ABCC8: variants seen among roughly 807,000 people sequenced by gnomAD.
ABCC8 encodes the protein ATP-binding cassette sub-family C member 8.
Under a neutral mutation model 188.0 loss-of-function variants are expected in ABCC8, and 137 were observed. That is an observed-to-expected ratio of 0.73 (90% confidence interval 0.63 to 0.84). The LOEUF (loss-of-function observed/expected upper bound fraction) is 0.84. Ranked by LOEUF, ABCC8 falls within the 40% of genes least tolerant of loss-of-function variation. ABCC8 has a pLI of 0.00. For missense variants in ABCC8, 1,750 were observed against 2,072.7 expected (o/e 0.84, Z 3.02); for synonymous variants, 797 against 846.5 (o/e 0.94, Z 1.01).
chr11:17,430,032 A>T (rs1488673207), intron 12 of ABCC8: 1 of 152,604 alleles, frequency 6.6e-6, no homozygotes, highest in African/African-American at 2.4e-5. Context: ...AAGGCTGAAG[A>T]CACAGAGGAC....
intron 1 of ABCC8, among the ~76,000 whole-genome samples, chr11:17,476,022 C>G (rs1848747948): frequency 6.6e-6 from 1 of 152,220 alleles, no homozygotes. Context: ...AAGTTGCGCT[C>G]TGGAGACACA....
chr11:17,460,330 G>A (rs1245565538), intron 6 of ABCC8, among the ~76,000 whole-genome samples, 158 bp downstream of exon 6: 1 of 152,238 alleles, frequency 6.6e-6, no homozygotes, highest in Admixed American at 6.5e-5. Context: ...TTGACCAGAT[G>A]TAGAGTATTC....
At position 17,414,250 on chromosome 11, in the gene ABCC8, C is replaced by A. The variant is rs756482281; in HGVS notation, c.2390+262G>T. On this transcript the variant is annotated intron_variant, in intron 19 of 38. Coordinates refer to ENST00000389817, the MANE Select transcript of ABCC8 (RefSeq NM_000352.6). ...CACAGAGAGAGCTAGCTAGCCCTCC[C>A]ACCAGCTAGAGAAAAGGCAGCGGGG... Among the ~76,000 whole-genome samples, 4 of 152,184 alleles carry A rather than the reference C, an allele frequency of 2.6e-5. No individual in the cohort carries two copies. In the South Asian group the frequency reaches 8.3e-4, roughly 32 times the overall value.
chr11:17,456,045 A>G (rs187218991), intron 6 of ABCC8, among the ~76,000 whole-genome samples: 3 of 151,918 alleles, frequency 2.0e-5, no homozygotes, highest in Non-Finnish European at 4.4e-5. Context: ...AGAGGGTCCT[A>G]GGAAACGGGG....
chr11:17,474,768 G>A, intron 2 of ABCC8, 118 bp downstream of exon 2: 1 of 1,155,306 alleles, frequency 8.7e-7, no homozygotes, highest in Non-Finnish European at 1.3e-6. Flanking sequence ...CTGAGCTGCT[G>A]GATGTAGTAA....
At chr11:17,450,735 C>T in intron 7 of ABCC8, among the ~76,000 whole-genome samples, 1 of 126,878 alleles carries the variant, frequency 7.9e-6, no homozygotes, top group Admixed American at 9.8e-5. Context: ...GTCGCCCAAG[C>T]TGGAGTATAG....
intron 10 of ABCC8, chr11:17,435,599 G>T: frequency 7.2e-7 from 1 of 1,384,208 alleles, no homozygotes; most frequent in Non-Finnish European, 1.0e-6. Flanking sequence ...CCAGGCTGGA[G>T]ATAAAAGTGA....
At chr11:17,466,491 T>C (rs115074547) in intron 3 of ABCC8, among the ~76,000 whole-genome samples, 2,572 of 151,214 alleles carry the variant, frequency 0.017, 78 homozygotes, top group African/African-American at 0.06. Flanking sequence ...AGAATGGTGG[T>C]CGTCAGGGGC....
At position 17,402,759 on chromosome 11, in the gene ABCC8, G is replaced by T; in HGVS notation, c.3558-6C>A. The T allele has an allele frequency of 6.2e-7, 1 of 1,614,230 alleles. No homozygotes were observed. Among genetic ancestry groups the T allele is most frequent in the Admixed American group, 1.7e-5 (1 of 60,034 alleles). ...CATCCAGCTGCTGCAGGTCCCTGTG[G>T]CGGGGAACAGAGTGGAACAGTTAAG... On this transcript the variant is annotated splice_polypyrimidine_tract_variant and splice_region_variant and intron_variant, in intron 28 of 38. Coordinates refer to ENST00000389817, the MANE Select transcript of ABCC8 (RefSeq NM_000352.6).
intron 37 of ABCC8, 58 bp downstream of exon 37, chr11:17,394,208 T>A (rs1953781563): frequency 6.3e-7 from 1 of 1,590,374 alleles, no homozygotes; most frequent in African/African-American, 1.3e-5. Context: ...AATTTCTCCC[T>A]AGCATCCCAC....
At chr11:17,439,513 G>T (rs1210096001) in intron 10 of ABCC8, among the ~76,000 whole-genome samples, 4 of 152,112 alleles carry the variant, frequency 2.6e-5, no homozygotes, top group Non-Finnish European at 5.9e-5. Flanking sequence ...CAGAAGGCAG[G>T]AAGTCCAGAG....
chr11:17,465,202 G>C (rs111582656), intron 3 of ABCC8, among the ~76,000 whole-genome samples: 255 of 152,294 alleles, frequency 1.7e-3, no homozygotes, highest in African/African-American at 5.8e-3. Flanking sequence ...ACAGCTGAAG[G>C]CTGTCCCCCT....
chr11:17,444,232 T>C (rs1956436246), intron 8 of ABCC8: 1 of 152,186 alleles, frequency 6.6e-6, no homozygotes, highest in African/African-American at 2.4e-5. Context: ...GTTTAACAGG[T>C]GTTAGATGCT....
Position 17,426,652 on chromosome 11 carries a change from C to CACACTGGGAAATTA in ABCC8, c.2222+383_2222+396dup, listed in dbSNP as rs1156961784. Among the ~76,000 whole-genome samples, 7 of 152,148 alleles carry CACACTGGGAAATTA rather than the reference C, an allele frequency of 4.6e-5. No homozygotes were observed. In the East Asian group the frequency reaches 7.7e-4, roughly 17 times the overall value. ...AACCAATGTTGGTGTTGCAATTTCC[C>CACACTGGGAAATTA]ACACTGGGAAATTACTGCCGTGCAT... is the stretch of plus-strand genomic sequence containing the variant. On this transcript the variant is annotated intron_variant, in intron 16 of 38. Transcript: ENST00000389817.
intron 38 of ABCC8, 142 bp from the exon 39 acceptor site, chr11:17,393,270 CT>C: frequency 1.7e-6 from 2 of 1,188,500 alleles, no homozygotes; most frequent in Non-Finnish European, 2.4e-6. Flanking sequence ...GGGGACTGCA[CT>C]TTCCTGGGGT....
chr11:17,463,303 C>G, intron 4 of ABCC8, 135 bp downstream of exon 4: 3 of 778,628 alleles, frequency 3.9e-6, no homozygotes, highest in South Asian at 1.6e-5. Context: ...CCCCACTCCC[C>G]TTTACACGGG....
chr11:17,407,662 G>T, intron 23 of ABCC8: 1 of 490,466 alleles, frequency 2.0e-6, no homozygotes, highest in Non-Finnish European at 2.6e-6. Flanking sequence ...TCCCTGTGGG[G>T]AACCACTCTT....
In ABCC8 at chr11:17,427,119, C is replaced by T. The variant is rs200286058; in HGVS notation, c.2152G>A (p.Gly718Ser). Residue 718 changes from glycine to serine, a missense_variant, in exon 16 of 39, where the codon GGC (glycine) becomes AGC (serine). Coordinates refer to ENST00000389817, the MANE Select transcript of ABCC8 (RefSeq NM_000352.6). The surrounding 1 kb of genome is among the most constrained non-coding windows in gnomAD (Gnocchi z 5.0). ...LTMIVGQVGC[G>S]KSSLLLAALG... ...GCGGCTAGAAGGAGCGAGGACTTGC[C>T]GCAGCCCACCTGCCCCACGATCATA... The T allele has an allele frequency of 6.2e-6, 10 of 1,613,578 alleles. No homozygotes were observed. The highest frequency in any genetic ancestry group is 2.2e-5 in the South Asian group (2 of 91,032).
chr11:17,410,537 C>T lies in ABCC8; in HGVS notation c.2673G>A (p.Gln891=). ...TCACCCAGTCTGCATGGGGCAGGTACTGTAGCTTGTGGGTCACTAAGACCA... is the reference window on the plus strand; with the variant it reads ...TCACCCAGTCTGCATGGGGCAGGTATTGTAGCTTGTGGGTCACTAAGACCA... The part of the protein sequence containing the change: ...RTVVLVTHKL[Q]YLPHADWIIA... The change falls in exon 22 of 39, where the codon CAG becomes CAA. Residue 891 remains glutamine, a synonymous_variant. Coordinates refer to ENST00000389817, the MANE Select transcript of ABCC8 (RefSeq NM_000352.6). 6.2e-7 allele frequency: 1 copy of T among 1,614,166 alleles called. No individual in the cohort carries two copies.
Sources: allele counts gnomAD v4.1 joint callset (sites outside exome capture counted in the v4.1 genomes callset), GRCh38; gene constraint gnomAD v4.1.1; non-coding constraint Gnocchi (gnomAD v3.1); transcripts MANE v1.5; gene names NCBI Gene and HGNC (gene_info 2026-07-23, HGNC 2026-07-21).